Variants in DPP6 observed in about 807,000 individuals in gnomAD.
The protein encoded by DPP6 is A-type potassium channel modulatory protein DPP6.
A neutral mutation model predicts 122.6 loss-of-function variants in DPP6; 69 were observed. That is an observed-to-expected ratio of 0.56 (90% CI 0.46 to 0.69). The LOEUF (loss-of-function observed/expected upper bound fraction) is 0.69, where lower values mean the gene tolerates loss of function less well. DPP6 is among the 30% of genes least tolerant of loss of function. DPP6 has a pLI of 0.00. For missense variants in DPP6, 928 were observed against 1,116.9 expected (o/e 0.83, Z 2.41); for synonymous variants, 418 against 433.1 (o/e 0.97, Z 0.43).
intron 7 of DPP6, among the ~76,000 whole-genome samples, chr7:154,717,705 A>G (rs920733144): frequency 6.6e-6 from 1 of 152,200 alleles, no homozygotes; most frequent in Non-Finnish European, 1.5e-5. Flanking sequence ...TGCAGTGAAC[A>G]TGGAAGTGCA....
rs144304619 is a variant in DPP6 at position 154,541,413 on chromosome 7, G to T, written c.552+787G>T. Reference sequence around the variant, plus strand: ...GCCTCCCAAAGTGCCGGGATTACAGGCCTGAGCCACTGTACTCGACCCCAA... The same window carrying T: ...GCCTCCCAAAGTGCCGGGATTACAGTCCTGAGCCACTGTACTCGACCCCAA... On this transcript the variant is annotated intron_variant, in intron 4 of 25. Coordinates refer to ENST00000377770, the MANE Select transcript of DPP6 (RefSeq NM_130797.4). Among the ~76,000 whole-genome samples the T allele has an allele frequency of 3.9e-5, 6 of 152,330 alleles. No individual in the cohort carries two copies. In the East Asian group the frequency reaches 1.2e-3, roughly 29 times the overall value.
At chr7:154,470,160 A>C (rs943629356) in intron 2 of DPP6, among the ~76,000 whole-genome samples, 1 of 152,136 alleles carries the variant, frequency 6.6e-6, no homozygotes, top group Non-Finnish European at 1.5e-5. Context: ...GCCCTCCATA[A>C]CCCTTGTCTC....
At chr7:154,671,906 TG>T (rs1455777089) in intron 7 of DPP6, among the ~76,000 whole-genome samples, 4 of 151,502 alleles carry the variant, frequency 2.6e-5, no homozygotes, top group African/African-American at 9.7e-5. Context: ...CTAGCCATCC[TG>T]GGGCTTCAGG....
the DPP6 span, among the ~76,000 whole-genome samples, chr7:153,799,530 C>T: frequency 2.6e-5 from 4 of 152,150 alleles, no homozygotes; most frequent in Non-Finnish European, 5.9e-5. Context: ...TACACACCAT[C>T]CCGCTCTACT....
intron 16 of DPP6, chr7:154,839,012 T>G (rs890349432): frequency 6.6e-6 from 1 of 152,166 alleles, no homozygotes; most frequent in Non-Finnish European, 1.5e-5. Context: ...CATCTCACCA[T>G]ATGCCCATTC....
intron 3 of DPP6, among the ~76,000 whole-genome samples, chr7:154,513,135 C>T (rs1186775663): frequency 1.3e-5 from 2 of 152,178 alleles, no homozygotes; most frequent in African/African-American, 2.4e-5. Flanking sequence ...CTTAAGTCTA[C>T]TCAATTATAG....
rs141959494 is a variant in DPP6 at position 154,676,197 on chromosome 7, GC to G, written c.762+6757del. 3.2e-3 allele frequency among the ~76,000 whole-genome samples: 483 copies of G among 150,976 alleles called. 14 individuals carry two copies. The East Asian group carries it at 0.046, about 14-fold the overall frequency. On this transcript the variant is annotated intron_variant, in intron 7 of 25. Coordinates refer to ENST00000377770, the MANE Select transcript of DPP6 (RefSeq NM_130797.4). ...GTTCCGGGCTACAGCCTTGCAGCGT[GC>G]TGTCTGGAGGTCCAGCTGCCCTTCC... is the stretch of plus-strand genomic sequence containing the variant.
At chr7:154,203,290 C>G (rs142974814) in intron 1 of DPP6, among the ~76,000 whole-genome samples, 2 of 152,128 alleles carry the variant, frequency 1.3e-5, no homozygotes, top group Non-Finnish European at 2.9e-5. Context: ...AAACAATGAT[C>G]CCATAAACCA....
intron 1 of DPP6, among the ~76,000 whole-genome samples, chr7:154,375,786 A>C (rs574665625): frequency 6.6e-6 from 1 of 152,188 alleles, no homozygotes; most frequent in African/African-American, 2.4e-5. Context: ...GAGCAGACCA[A>C]CGCAAGCCTT....
chr7:154,889,243 ACT>A (rs756535020), intron 23 of DPP6, 27 bp from the exon 24 acceptor site: 15 of 1,608,656 alleles, frequency 9.3e-6, no homozygotes, highest in Non-Finnish European at 1.2e-5. Flanking sequence ...CAGCCCCCTA[ACT>A]CTGTCCCCTT....
chr7:154,383,212 A>G (rs966570576), intron 1 of DPP6, among the ~76,000 whole-genome samples: 4 of 152,230 alleles, frequency 2.6e-5, no homozygotes, highest in East Asian at 1.9e-4. Flanking sequence ...CTATTAATAT[A>G]TAACAGGCTG....
At chr7:153,898,281 C>T (rs1799493306) in intron 1 of DPP6, among the ~76,000 whole-genome samples, 1 of 152,024 alleles carries the variant, frequency 6.6e-6, no homozygotes. Flanking sequence ...AACAAGACGC[C>T]ATCTCTAAAA....
chr7:153,964,944 C>CTTTCTTTCTT (rs1795597591), intron 1 of DPP6, among the ~76,000 whole-genome samples: 1 of 58,116 alleles, frequency 1.7e-5, no homozygotes, highest in East Asian at 3.5e-4. Flanking sequence ...CTTTCTTTTT[C>CTTTCTTTCTT]TTTCTTTCTC....
chr7:154,881,038 GT>G, intron 21 of DPP6, 96 bp downstream of exon 21: 1 of 1,435,368 alleles, frequency 7.0e-7, no homozygotes, highest in South Asian at 1.8e-5. Context: ...AACGTCTGTG[GT>G]CTGCTGGTGA....
chr7:154,789,647 CTCTG>C (rs1321232343), intron 10 of DPP6, among the ~76,000 whole-genome samples: 3 of 152,290 alleles, frequency 2.0e-5, no homozygotes, highest in South Asian at 2.1e-4. Flanking sequence ...TGCTGGAGAC[CTCTG>C]TCTGGAGAGT....
At chr7:154,593,818 A>G (rs1409358472) in intron 5 of DPP6, among the ~76,000 whole-genome samples, 1 of 152,208 alleles carries the variant, frequency 6.6e-6, no homozygotes, top group African/African-American at 2.4e-5. Flanking sequence ...TCAGAGACCC[A>G]AGTCATACTC....
At chr7:153,798,418 A>G in the DPP6 span, among the ~76,000 whole-genome samples, 60 of 152,348 alleles carry the variant, frequency 3.9e-4, no homozygotes, top group African/African-American at 1.3e-3. Flanking sequence ...CCCACTGCCC[A>G]GTCCTCAGGC....
chr7:153,781,977 TACACACACAC>T, the DPP6 span, among the ~76,000 whole-genome samples: 5 of 89,804 alleles, frequency 5.6e-5, no homozygotes, highest in Middle Eastern at 5.4e-3. Flanking sequence ...CCCCAGAGAA[TACACACACAC>T]ACACACACAC....
chr7:153,956,527 C>T (rs758912044), intron 1 of DPP6, among the ~76,000 whole-genome samples: 1 of 152,076 alleles, frequency 6.6e-6, no homozygotes, highest in Non-Finnish European at 1.5e-5. Context: ...AGGGGGTGGC[C>T]ACAGTCTCAA....
Sources: allele counts gnomAD v4.1 joint callset (sites outside exome capture counted in the v4.1 genomes callset), GRCh38; gene constraint gnomAD v4.1.1; transcripts MANE v1.5; gene names NCBI Gene and HGNC (gene_info 2026-07-23, HGNC 2026-07-21).